ATIC: variants seen among roughly 807,000 people sequenced by gnomAD.
The protein encoded by ATIC is bifunctional purine biosynthesis protein ATIC.
In ATIC, 64 loss-of-function variants were observed where a neutral mutation model predicts 72.5. That is an observed-to-expected ratio of 0.88 (90% CI 0.72 to 1.09). The LOEUF is 1.09. Among genes scored for constraint, ATIC ranks in the 50% least tolerant of loss-of-function variants. ATIC has a pLI of 0.00. For synonymous variants in ATIC, 281 were observed against 267.1 expected, an observed-to-expected ratio of 1.05 and a Z score of -0.51; for missense variants, 787 against 732.4, an observed-to-expected ratio of 1.07 and a Z score of -0.86.
At chr2:215,352,727 T>A (rs1479354222), downstream of ATIC, among the ~76,000 whole-genome samples, 3 of 151,272 alleles carry the variant, frequency 2.0e-5, no homozygotes, top group Admixed American at 1.3e-4. Context: ...TGGCTAATTT[T>A]TTTTTTCTTT....
Position 215,333,430 on chromosome 2 carries a change from A to G in ATIC, c.895A>G (p.Ile299Val). The change falls in exon 9 of 16, where the codon ATC (isoleucine) becomes GTC (valine). Residue 299 changes from isoleucine to valine, a missense_variant. Physicochemically the swap from Ile to Val is conservative, Grantham distance 29. Transcript: ENST00000236959. ...VYDLYKTLTP[I>V]SAAYARARGA... ...TGATCTCTATAAAACCCTCACACCC[A>G]TCTCAGCGGCATATGCAAGAGCAAG... is the stretch of plus-strand genomic sequence containing the variant. 1.9e-6 allele frequency: 3 copies of G among 1,614,138 alleles called. No individual in the cohort carries two copies. Among genetic ancestry groups the G allele is most frequent in the Non-Finnish European group, 2.5e-6 (3 of 1,180,012 alleles).
intron 6 of ATIC, 30 bp from the exon 7 acceptor site, chr2:215,326,792 C>T (rs6751557): frequency 0.46 from 737,988 of 1,612,510 alleles, 172,200 homozygotes; most frequent in African/African-American, 0.58. Flanking sequence ...AAGTGCTGCT[C>T]GTGTCTCACA....
chr2:215,335,664 G>A (rs760320957), intron 10 of ATIC, among the ~76,000 whole-genome samples: 15 of 152,144 alleles, frequency 9.9e-5, no homozygotes, highest in Admixed American at 3.9e-4. Flanking sequence ...TAAGGAAAAC[G>A]CCTTGCCGGA....
Position 215,349,519 on chromosome 2 carries a change from C to G in ATIC, c.1660-17C>G. On this transcript the variant is annotated splice_polypyrimidine_tract_variant and intron_variant, in intron 15 of 15. Transcript: ENST00000236959. ...TTACATAAAATCGCGTTTTGAAAAT[C>G]AATATACTTCCCCCAGAGTGGTGTG... The G allele has an allele frequency of 6.2e-7, 1 of 1,614,056 alleles. No individual in the cohort carries two copies. Among genetic ancestry groups the G allele is most frequent in the African/African-American group, 1.3e-5 (1 of 75,000 alleles).
intron 6 of ATIC, among the ~76,000 whole-genome samples, chr2:215,326,609 CAAA>C (rs879810774): frequency 3.2e-5 from 3 of 93,066 alleles, no homozygotes; most frequent in Non-Finnish European, 4.6e-5. Context: ...GACTTTGTCT[CAAA>C]AAAAAAAAAA....
At chr2:215,318,851 G>T (rs890117045) in intron 3 of ATIC, among the ~76,000 whole-genome samples, 5 of 151,674 alleles carry the variant, frequency 3.3e-5, no homozygotes, top group Non-Finnish European at 7.4e-5. Flanking sequence ...CTGGGATCAA[G>T]AACTGAAGAA....
At chr2:215,349,487 C>T in intron 15 of ATIC, 49 bp from the exon 16 acceptor site, 1 of 1,613,320 alleles carries the variant, frequency 6.2e-7, no homozygotes, top group Non-Finnish European at 8.5e-7. Context: ...TTGAGTTTTG[C>T]AGGTTTTTAC....
chr2:215,343,503 A>C (rs2053041501), intron 12 of ATIC, among the ~76,000 whole-genome samples: 1 of 151,830 alleles, frequency 6.6e-6, no homozygotes, highest in Admixed American at 6.6e-5. Flanking sequence ...CACCTGGCAA[A>C]TTTTTATATT....
the ATIC span, chr2:215,363,784 T>C: frequency 6.6e-6 from 1 of 152,354 alleles, no homozygotes; most frequent in African/African-American, 2.4e-5. Context: ...TAATTTCATT[T>C]TGAAATTTGA....
downstream of ATIC, among the ~76,000 whole-genome samples, chr2:215,351,863 G>A (rs1446781050): frequency 6.6e-6 from 1 of 152,176 alleles, no homozygotes; most frequent in African/African-American, 2.4e-5. Context: ...CAAGGTCAAC[G>A]TCAATAGTGT....
chr2:215,349,605 G>C lies in ATIC; in HGVS notation c.1729G>C (p.Glu577Gln). 3 of 1,614,142 alleles carry C rather than the reference G, an allele frequency of 1.9e-6. No individual in the cohort carries two copies. The highest frequency in any genetic ancestry group is 2.5e-6 in the Non-Finnish European group (3 of 1,180,042). ...CAAAGTTGTGATTGAGGCCTGCGAC[G>C]AACTGGGAATCATCCTCGCTCATAC... ...ADKVVIEACD[E>Q]LGIILAHTNL... The change falls in exon 16 of 16, where the codon GAA (glutamate) becomes CAA (glutamine). Residue 577 changes from glutamate (E) to glutamine (Q), a missense_variant. Transcript: ENST00000236959.
chr2:215,361,984 A>ATGG, the ATIC span: 3 of 1,613,692 alleles, frequency 1.9e-6, no homozygotes, highest in African/African-American at 4.0e-5. Context: ...TTGTTCTCTG[A>ATGG]TGGTATCTCT....
rs76661638 is a variant in ATIC, at chr2:215,332,329, A to G, written c.689-53A>G. On this transcript the variant is annotated intron_variant, in intron 7 of 15. Coordinates refer to ENST00000236959, the MANE Select transcript of ATIC (RefSeq NM_004044.7). ...TTATTTTTTTGAGAAGTGTGCATACATCTGACCTTACTGATCCTGCTTAGT... is the reference window on the plus strand; with the variant it reads ...TTATTTTTTTGAGAAGTGTGCATACGTCTGACCTTACTGATCCTGCTTAGT... 1,600 of 1,612,482 alleles carry G rather than the reference A, an allele frequency of 9.9e-4. 13 individuals are homozygous for G. In the African/African-American group the frequency reaches 0.018, roughly 18 times the overall value.
At chr2:215,359,732 A>G in the ATIC span, among the ~76,000 whole-genome samples, 778 of 138,212 alleles carry the variant, frequency 5.6e-3, 6 homozygotes, top group African/African-American at 0.018. Flanking sequence ...AATGGGAGTT[A>G]GTATTTTTTT....
chr2:215,339,912 A>G (rs1203736665), intron 12 of ATIC, among the ~76,000 whole-genome samples: 2 of 152,098 alleles, frequency 1.3e-5, no homozygotes, highest in Non-Finnish European at 2.9e-5. Flanking sequence ...CTGGGGTTAC[A>G]GGCGTGAGCC....
At chr2:215,344,562 A>G (rs1180237314) in intron 12 of ATIC, among the ~76,000 whole-genome samples, 1 of 152,030 alleles carries the variant, frequency 6.6e-6, no homozygotes, top group African/African-American at 2.4e-5. Flanking sequence ...ATGGTGGTGC[A>G]TGCGCCTGTA....
intron 14 of ATIC, 88 bp from the exon 15 acceptor site, chr2:215,349,006 C>T: frequency 1.5e-6 from 2 of 1,333,812 alleles, no homozygotes; most frequent in Non-Finnish European, 1.0e-6. Context: ...AGAAAAATGC[C>T]CAGGTGCTTT....
the ATIC span, chr2:215,361,746 C>G: frequency 9.8e-7 from 1 of 1,022,546 alleles, no homozygotes; most frequent in South Asian, 1.3e-5. Flanking sequence ...ATATTTCTTC[C>G]TAGTTTCAAG....
intron 4 of ATIC, among the ~76,000 whole-genome samples, chr2:215,322,080 T>C (rs1403789866): frequency 2.0e-5 from 3 of 151,378 alleles, no homozygotes; most frequent in Non-Finnish European, 4.4e-5. Context: ...TTTTTGGATT[T>C]TTAATAGAGA....
Sources: allele counts gnomAD v4.1 joint callset (sites outside exome capture counted in the v4.1 genomes callset), GRCh38; gene constraint gnomAD v4.1.1; transcripts MANE v1.5; gene names NCBI Gene and HGNC (gene_info 2026-07-23, HGNC 2026-07-21).